The following SLC6A15 variants were observed in gnomAD, a reference collection of about 807,000 sequenced individuals.
SLC6A15 encodes sodium-dependent neutral amino acid transporter B(0)AT2.
In SLC6A15, 33 loss-of-function variants were observed where a neutral mutation model predicts 68.5. The observed-to-expected ratio is 0.48, with a 90% CI of 0.37 to 0.64. The LOEUF is 0.64. Ranked by LOEUF, SLC6A15 falls within the 30% of genes least tolerant of loss-of-function variation. The pLI, the probability that SLC6A15 is intolerant of heterozygous loss-of-function variation, is 0.00. For missense variants in SLC6A15, 747 were observed against 874.3 expected, an observed-to-expected ratio of 0.85 and a Z score of 1.84; for synonymous variants, 347 against 301.0, an observed-to-expected ratio of 1.15 and a Z score of -1.58.
At chr12:84,879,011 T>C (rs1471867835) in intron 5 of SLC6A15, among the ~76,000 whole-genome samples, 1 of 151,952 alleles carries the variant, frequency 6.6e-6, no homozygotes, top group Admixed American at 6.6e-5. Flanking sequence ...TTAAAAATCC[T>C]CAAAGGTTCC....
At chr12:84,865,934 T>C (rs1871045723) in intron 10 of SLC6A15, among the ~76,000 whole-genome samples, 1 of 152,218 alleles carries the variant, frequency 6.6e-6, no homozygotes, top group South Asian at 2.1e-4. Context: ...AGTTTTCAAC[T>C]CCTTTGGGTA....
At chr12:84,896,401 T>C (rs777026368) in intron 1 of SLC6A15, among the ~76,000 whole-genome samples, 8 of 152,144 alleles carry the variant, frequency 5.3e-5, no homozygotes, top group Non-Finnish European at 8.8e-5. Flanking sequence ...TTGGCACGTA[T>C]CCATGCCCGT....
At chr12:84,879,049 A>G (rs1871695412) in intron 5 of SLC6A15, among the ~76,000 whole-genome samples, 1 of 151,816 alleles carries the variant, frequency 6.6e-6, no homozygotes, top group African/African-American at 2.4e-5. Context: ...ACAGCCCATC[A>G]TTTTACAAGA....
chr12:84,909,253 AAATAAAAGTC>A (rs1487344402), intron 1 of SLC6A15, among the ~76,000 whole-genome samples: 1 of 152,138 alleles, frequency 6.6e-6, no homozygotes, highest in African/African-American at 2.4e-5. Context: ...TTCTATTTAA[AAATAAAAGTC>A]AATTCATCTT....
At chr12:84,891,450 A>C (rs181598968) in intron 2 of SLC6A15, among the ~76,000 whole-genome samples, 1 of 152,350 alleles carries the variant, frequency 6.6e-6, no homozygotes, top group African/African-American at 2.4e-5. Flanking sequence ...CACGGAGAGA[A>C]AATTCTCTGT....
At chr12:84,870,853 AG>A (rs1871258682) in intron 8 of SLC6A15, among the ~76,000 whole-genome samples, 183 bp from the exon 9 acceptor site, 1 of 152,182 alleles carries the variant, frequency 6.6e-6, no homozygotes, top group African/African-American at 2.4e-5. Flanking sequence ...GGATTTAATT[AG>A]ATCAAGCAGA....
chr12:84,862,722 G>A (rs1397721287), intron 11 of SLC6A15, among the ~76,000 whole-genome samples: 2 of 151,966 alleles, frequency 1.3e-5, no homozygotes, highest in Admixed American at 1.3e-4. Context: ...ATTTTAAATT[G>A]TACTTTGCTA....
At chr12:84,874,207 A>G (rs1044714718) in intron 6 of SLC6A15, among the ~76,000 whole-genome samples, 9 of 152,220 alleles carry the variant, frequency 5.9e-5, no homozygotes, top group African/African-American at 2.2e-4. Flanking sequence ...TCAGATTCTG[A>G]TTCTGCCATT....
chr12:84,878,745 C>T (rs897838909), intron 5 of SLC6A15, among the ~76,000 whole-genome samples: 23 of 152,068 alleles, frequency 1.5e-4, no homozygotes, highest in African/African-American at 4.6e-4. Flanking sequence ...CTAAAATACT[C>T]TAATCTACCC....
At chr12:84,882,595 G>C in intron 5 of SLC6A15, 1 of 391,596 alleles carries the variant, frequency 2.6e-6, no homozygotes, top group Non-Finnish European at 3.5e-6. Flanking sequence ...GGACTAGGAC[G>C]GGGTGAGACA....
In SLC6A15 at chr12:84,891,906, A is replaced by G. The variant is rs1872415286; in HGVS notation, c.215T>C (p.Leu72Pro). Residue 72 changes from leucine to proline, a missense_variant, in exon 2 of 12, where the codon CTG (leucine) becomes CCG (proline). Coordinates refer to ENST00000266682, the MANE Select transcript of SLC6A15 (RefSeq NM_182767.6). The part of the protein sequence containing the change: ...PAWNSKLQYI[L>P]AQVGFSVGLG... ...ACCTACAGAAAATCCAACTTGGGCC[A>G]GGATGTATTGTAGTTTACTGTTCCA... 1.2e-6 allele frequency: 2 copies of G among 1,613,976 alleles called. No homozygotes were observed. The highest frequency in any genetic ancestry group is 1.7e-5 in the Admixed American group (1 of 59,990).
At position 84,900,851 on chromosome 12, in the gene SLC6A15, T is replaced by C. The variant is rs550776885; in HGVS notation, c.-188-8543A>G. 3.0e-4 allele frequency among the ~76,000 whole-genome samples: 46 copies of C among 151,212 alleles called. No individual in the cohort carries two copies. In the South Asian group the frequency reaches 4.4e-3, roughly 14 times the overall value. ...AAAATAAATCTGCTATATTTTGTTA[T>C]AGATTTTCTTTCAACTACATTCATA... On this transcript the variant is annotated intron_variant, in intron 1 of 11. Transcript: ENST00000266682.
chr12:84,903,829 T>A (rs577994071), intron 1 of SLC6A15, among the ~76,000 whole-genome samples: 1 of 152,172 alleles, frequency 6.6e-6, no homozygotes, highest in Non-Finnish European at 1.5e-5. Flanking sequence ...TAGGTAACAT[T>A]TATAGATGTC....
chr12:84,872,982 T>TATC, intron 7 of SLC6A15, 105 bp downstream of exon 7: 1 of 1,374,444 alleles, frequency 7.3e-7, no homozygotes, highest in Non-Finnish European at 9.8e-7. Flanking sequence ...TGTGTCGAAC[T>TATC]ATCACATGTA....
chr12:84,873,060 A>G, intron 7 of SLC6A15, 27 bp downstream of exon 7: 1 of 1,600,710 alleles, frequency 6.2e-7, no homozygotes, highest in Non-Finnish European at 8.5e-7. Context: ...ACTAAGAAAA[A>G]AGGCAAATGG....
intron 5 of SLC6A15, among the ~76,000 whole-genome samples, 156 bp from the exon 6 acceptor site, chr12:84,876,763 T>G (rs186236561): frequency 3.9e-5 from 6 of 152,276 alleles, no homozygotes; most frequent in African/African-American, 1.4e-4. Context: ...TAAGAATGGT[T>G]TATGAGTCGT....
intron 2 of SLC6A15, among the ~76,000 whole-genome samples, chr12:84,890,334 G>A (rs1459090688): frequency 6.6e-6 from 1 of 152,096 alleles, no homozygotes; most frequent in East Asian, 1.9e-4. Flanking sequence ...CTAAATGGAA[G>A]TCAACCTGAC....
Position 84,872,685 on chromosome 12 carries a change from A to G in SLC6A15, c.1219T>C (p.Tyr407His). 1 of 1,612,972 alleles carries G rather than the reference A, an allele frequency of 6.2e-7. No homozygotes were observed. Among genetic ancestry groups the G allele is most frequent in the Non-Finnish European group, 8.5e-7 (1 of 1,179,512 alleles). The change falls in exon 8 of 12, where the codon TAT (tyrosine) becomes CAT (histidine). Residue 407 changes from tyrosine (Y) to histidine (H), a missense_variant. Physicochemically the swap from Tyr to His is moderately conservative, Grantham distance 83 (BLOSUM62 2). Coordinates refer to ENST00000266682, the MANE Select transcript of SLC6A15 (RefSeq NM_182767.6). ...TVTAEDYHLV[Y>H]DIIQKVKEEE... ...TCTTTCACTTTTTGAATGATGTCATAAACTAAATGATAATCTTCTGCAGTA... is the reference window on the plus strand; with the variant it reads ...TCTTTCACTTTTTGAATGATGTCATGAACTAAATGATAATCTTCTGCAGTA...
intron 9 of SLC6A15, among the ~76,000 whole-genome samples, chr12:84,870,254 A>T (rs1039388179): frequency 1.3e-5 from 2 of 150,194 alleles, no homozygotes; most frequent in African/African-American, 4.9e-5. Flanking sequence ...TAAATGATAA[A>T]ATATAATTTA....
Sources: gnomAD v4.1 joint callset for allele counts (sites outside exome capture counted in the v4.1 genomes callset) on GRCh38, gnomAD v4.1.1 for gene constraint, MANE v1.5 for transcripts, NCBI Gene and HGNC (gene_info 2026-07-23, HGNC 2026-07-21) for gene names.